Variants in SKIC3 observed in about 807,000 individuals in gnomAD.
SKIC3 encodes SKI3 subunit of superkiller complex.
the SKIC3 span, among the ~76,000 whole-genome samples, chr5:95,553,856 A>G: frequency 4.6e-5 from 7 of 152,154 alleles, no homozygotes; most frequent in Non-Finnish European, 1.5e-5. Context: ...ACCGCGCCCA[A>G]CACTGTTTAC....
chr5:95,506,935 A>T, the SKIC3 span: 1 of 1,613,442 alleles, frequency 6.2e-7, no homozygotes. Flanking sequence ...TACGCTTACC[A>T]TAACAATCTG....
the SKIC3 span, chr5:95,525,684 A>G: frequency 9.9e-6 from 16 of 1,612,824 alleles, no homozygotes; most frequent in Non-Finnish European, 1.3e-5. Context: ...CTAGAAAATA[A>G]TTGTAAAGAA....
chr5:95,528,316 T>C, the SKIC3 span, among the ~76,000 whole-genome samples: 1 of 152,234 alleles, frequency 6.6e-6, no homozygotes, highest in Admixed American at 6.5e-5. Flanking sequence ...CTTCCCTGAC[T>C]TCCTTATGGA....
the SKIC3 span, chr5:95,525,299 G>T: frequency 8.6e-7 from 1 of 1,156,988 alleles, no homozygotes; most frequent in Non-Finnish European, 1.3e-6. Context: ...TCAAATTCAT[G>T]AAAAATCAAA....
the SKIC3 span, chr5:95,554,946 T>C: frequency 2.1e-5 from 5 of 242,010 alleles, no homozygotes; most frequent in Admixed American, 5.2e-5. Context: ...CTGGAGCAGA[T>C]GCTCCTCTTC....
At chr5:95,534,183 G>C in the SKIC3 span, among the ~76,000 whole-genome samples, 2 of 151,454 alleles carry the variant, frequency 1.3e-5, no homozygotes, top group African/African-American at 4.9e-5. Flanking sequence ...GGAAGGATCT[G>C]GGTGATTTTA....
the SKIC3 span, chr5:95,498,578 C>T: frequency 1.9e-6 from 3 of 1,613,752 alleles, no homozygotes; most frequent in East Asian, 2.2e-5. Context: ...GTGGTTGGTT[C>T]CTTTAAGATA....
At chr5:95,543,108 A>G in the SKIC3 span, 3 of 1,544,250 alleles carry the variant, frequency 1.9e-6, no homozygotes, top group South Asian at 3.5e-5. Context: ...GCTTAGTTTA[A>G]TGTTGAAACC....
At chr5:95,553,010 T>C in the SKIC3 span, among the ~76,000 whole-genome samples, 4 of 140,718 alleles carry the variant, frequency 2.8e-5, no homozygotes, top group Non-Finnish European at 6.0e-5. Context: ...ATGAGACCTA[T>C]ATAAATGTGG....
the SKIC3 span, among the ~76,000 whole-genome samples, chr5:95,546,351 A>C: frequency 2.2e-5 from 3 of 135,688 alleles, no homozygotes; most frequent in African/African-American, 3.1e-5. Flanking sequence ...AAAAAAAAAA[A>C]CAAAAAAAAA....
chr5:95,504,722 C>T, the SKIC3 span, among the ~76,000 whole-genome samples: 550 of 151,820 alleles, frequency 3.6e-3, 16 homozygotes, highest in Non-Finnish European at 1.0e-3. Flanking sequence ...GAGAGGAAGC[C>T]GGGCACAGTG....
At chr5:95,518,679 A>G in the SKIC3 span, among the ~76,000 whole-genome samples, 2 of 152,092 alleles carry the variant, frequency 1.3e-5, no homozygotes, top group Non-Finnish European at 2.9e-5. Context: ...CATTGCATAT[A>G]AATACCACAT....
chr5:95,530,144 G>T, the SKIC3 span: 2 of 1,613,536 alleles, frequency 1.2e-6, no homozygotes, highest in Non-Finnish European at 1.7e-6. Context: ...ATGCTTTAAT[G>T]CCTAAGCCAA....
At chr5:95,484,832 T>G in the SKIC3 span, 3 of 1,614,076 alleles carry the variant, frequency 1.9e-6, no homozygotes, top group South Asian at 1.1e-5. Context: ...TTTCAAAGAA[T>G]TTTTCGTCTT....
the SKIC3 span, among the ~76,000 whole-genome samples, chr5:95,472,791 T>C: frequency 3.2e-3 from 483 of 152,296 alleles, 5 homozygotes; most frequent in South Asian, 0.013. Flanking sequence ...ACAGTGTCTG[T>C]TGTTCCCATG....
chr5:95,512,660 G>T, the SKIC3 span: 1 of 1,610,902 alleles, frequency 6.2e-7, no homozygotes, highest in Non-Finnish European at 8.5e-7. Context: ...GATAATAAAT[G>T]TGTCAATAAA....
the SKIC3 span, chr5:95,478,256 AT>A: frequency 4.1e-4 from 663 of 1,611,724 alleles, 4 homozygotes; most frequent in South Asian, 4.8e-3. Context: ...AAAAAAATCA[AT>A]TTTTCATGAT....
At chr5:95,544,611 C>G in the SKIC3 span, among the ~76,000 whole-genome samples, 1 of 152,082 alleles carries the variant, frequency 6.6e-6, no homozygotes, top group Non-Finnish European at 1.5e-5. Context: ...GATGTAACTA[C>G]CAAAGTTAAG....
the SKIC3 span, among the ~76,000 whole-genome samples, chr5:95,507,530 T>C: frequency 3.3e-5 from 5 of 152,210 alleles, no homozygotes; most frequent in Non-Finnish European, 5.9e-5. Flanking sequence ...TTCCTTCTCA[T>C]GCTCAGTTCC....
Sources: allele counts gnomAD v4.1 joint callset (sites outside exome capture counted in the v4.1 genomes callset), GRCh38; gene constraint gnomAD v4.1.1; transcripts MANE v1.5; gene names NCBI Gene and HGNC (gene_info 2026-07-23, HGNC 2026-07-21).